The following CFAP210 variants were observed in gnomAD, a reference collection of about 807,000 sequenced individuals.
CFAP210 encodes cilia- and flagella- associated protein 210.
chr2:169,688,051 G>T, the CFAP210 span, among the ~76,000 whole-genome samples: 4 of 152,212 alleles, frequency 2.6e-5, no homozygotes, highest in East Asian at 7.7e-4. Flanking sequence ...GCCCCTTTCA[G>T]CCATGGCTGG....
the CFAP210 span, among the ~76,000 whole-genome samples, chr2:169,657,371 C>A: frequency 3.3e-5 from 5 of 151,648 alleles, no homozygotes; most frequent in African/African-American, 1.2e-4. Flanking sequence ...TTTTGGAGCA[C>A]CAGAGATAAA....
the CFAP210 span, among the ~76,000 whole-genome samples, chr2:169,654,613 G>A: frequency 6.6e-6 from 1 of 152,076 alleles, no homozygotes; most frequent in Non-Finnish European, 1.5e-5. Context: ...ACTTTATAAT[G>A]TATAAATGAC....
chr2:169,683,814 G>T, the CFAP210 span, among the ~76,000 whole-genome samples: 245 of 152,000 alleles, frequency 1.6e-3, no homozygotes, highest in African/African-American at 5.6e-3. Context: ...TCTGACACAG[G>T]AACAAACAAA....
chr2:169,675,163 A>T, the CFAP210 span: 4 of 746,048 alleles, frequency 5.4e-6, no homozygotes, highest in Non-Finnish European at 7.6e-6. Flanking sequence ...TTTTATTAAT[A>T]AATAAAATGA....
chr2:169,679,520 A>C, the CFAP210 span, among the ~76,000 whole-genome samples: 1 of 151,994 alleles, frequency 6.6e-6, no homozygotes, highest in Non-Finnish European at 1.5e-5. Context: ...CTACAAAATA[A>C]AATACAAAAA....
At chr2:169,650,770 G>GTGTT in the CFAP210 span, among the ~76,000 whole-genome samples, 13 of 146,700 alleles carry the variant, frequency 8.9e-5, no homozygotes, top group Non-Finnish European at 1.7e-4. Context: ...GTGTGTGTGT[G>GTGTT]TTTAAGAAAT....
the CFAP210 span, among the ~76,000 whole-genome samples, chr2:169,651,130 G>C: frequency 2.6e-5 from 4 of 151,270 alleles, no homozygotes; most frequent in Non-Finnish European, 5.9e-5. Flanking sequence ...AGGAGGCTGA[G>C]GCATGAGAAT....
the CFAP210 span, among the ~76,000 whole-genome samples, chr2:169,665,861 T>C: frequency 6.6e-6 from 1 of 152,128 alleles, no homozygotes; most frequent in African/African-American, 2.4e-5. Context: ...GCATCTTCTT[T>C]TGGCTTTTTC....
chr2:169,683,739 T>A, the CFAP210 span, among the ~76,000 whole-genome samples: 8 of 152,148 alleles, frequency 5.3e-5, no homozygotes, highest in Non-Finnish European at 1.2e-4. Flanking sequence ...CTGTTTGACA[T>A]CTCAAATCTT....
chr2:169,650,507 C>T, the CFAP210 span: 5 of 1,571,690 alleles, frequency 3.2e-6, no homozygotes, highest in South Asian at 2.4e-5. Flanking sequence ...TCTTTCTCTT[C>T]GTTTCTCCAT....
At chr2:169,652,380 T>C in the CFAP210 span, among the ~76,000 whole-genome samples, 2,362 of 152,340 alleles carry the variant, frequency 0.016, 69 homozygotes, top group African/African-American at 0.054. Flanking sequence ...TAAACAGTTT[T>C]ATTGATTGCT....
chr2:169,663,087 C>A, the CFAP210 span, among the ~76,000 whole-genome samples: 5 of 152,156 alleles, frequency 3.3e-5, no homozygotes, highest in Non-Finnish European at 5.9e-5. Flanking sequence ...CTACCAGGAG[C>A]TCCCACACTA....
At chr2:169,693,124 C>T in the CFAP210 span, among the ~76,000 whole-genome samples, 1 of 152,210 alleles carries the variant, frequency 6.6e-6, no homozygotes, top group Non-Finnish European at 1.5e-5. Flanking sequence ...ACCATTCTGG[C>T]TGATGTCATC....
chr2:169,688,892 G>T, the CFAP210 span, among the ~76,000 whole-genome samples: 1 of 152,150 alleles, frequency 6.6e-6, no homozygotes, highest in Non-Finnish European at 1.5e-5. Flanking sequence ...CCACTCTGCT[G>T]GTACCAATTT....
chr2:169,671,269 C>T, the CFAP210 span, among the ~76,000 whole-genome samples: 1 of 152,200 alleles, frequency 6.6e-6, no homozygotes, highest in Admixed American at 6.5e-5. Flanking sequence ...TAAAATACCT[C>T]TACAGCCCAC....
the CFAP210 span, chr2:169,645,855 C>T: frequency 6.2e-7 from 1 of 1,610,448 alleles, no homozygotes; most frequent in Non-Finnish European, 8.5e-7. Flanking sequence ...CATGTAAAAC[C>T]TAGCCTTCTC....
At chr2:169,660,981 C>T in the CFAP210 span, 1 of 484,306 alleles carries the variant, frequency 2.1e-6, no homozygotes, top group Non-Finnish European at 4.1e-6. Context: ...CAGGATTTGT[C>T]ATCCTGAGTT....
At chr2:169,690,689 A>G in the CFAP210 span, among the ~76,000 whole-genome samples, 1 of 151,398 alleles carries the variant, frequency 6.6e-6, no homozygotes. Context: ...AGAATTCTTG[A>G]AGACTTTTTC....
At chr2:169,681,242 T>C in the CFAP210 span, 145 of 1,569,590 alleles carry the variant, frequency 9.2e-5, no homozygotes, top group Middle Eastern at 1.7e-4. Flanking sequence ...TTCTAATAAA[T>C]TGTAAAAAAT....
Sources: gnomAD v4.1 joint callset for allele counts (sites outside exome capture counted in the v4.1 genomes callset) on GRCh38, gnomAD v4.1.1 for gene constraint, MANE v1.5 for transcripts, NCBI Gene and HGNC (gene_info 2026-07-23, HGNC 2026-07-21) for gene names.